Variants in ANKLE1 observed in about 807,000 individuals in gnomAD.
The protein encoded by ANKLE1 is structure-specific endonuclease ANKLE1.
ANKLE1 carries 59 observed loss-of-function variants against 56.2 expected under a neutral mutation model. That is an observed-to-expected ratio of 1.05 (90% confidence interval 0.85 to 1.30). The LOEUF (loss-of-function observed/expected upper bound fraction) is 1.30. Ranked by LOEUF, ANKLE1 falls within the 50% of genes most tolerant of loss-of-function variation. The probability of loss-of-function intolerance (pLI) is 0.00; values close to 1 mark genes in which losing one functional copy is unlikely to be tolerated. For synonymous variants in ANKLE1, 341 were observed against 352.9 expected, an observed-to-expected ratio of 0.97 and a Z score of 0.38; for missense variants, 771 against 816.1, an observed-to-expected ratio of 0.94 and a Z score of 0.67.
chr19:17,282,507 A>C, intron 2 of ANKLE1, 149 bp from the exon 3 acceptor site: 1 of 929,908 alleles, frequency 1.1e-6, no homozygotes, highest in Non-Finnish European at 1.7e-6. Flanking sequence ...GCCTGAGGTC[A>C]TAGCATCTAG....
At position 17,286,523 on chromosome 19, in the gene ANKLE1, C is replaced by T. The variant is rs1035519611; in HGVS notation, c.1819C>T (p.His607Tyr). 2.5e-6 allele frequency: 4 copies of T among 1,610,402 alleles called. No individual in the cohort carries two copies. Among genetic ancestry groups the T allele is most frequent in the Non-Finnish European group, 3.4e-6 (4 of 1,178,844 alleles). The change falls in exon 9 of 9, where the codon CAT (histidine) becomes TAT (tyrosine). Residue 607 changes from histidine to tyrosine, a missense_variant. His to Tyr is a moderately conservative substitution (Grantham distance 83). Transcript: ENST00000404085. ...CCTGGCTGAAGGCGAGCGACAGCTTCATCCCCAGGACATCCAGGCCCGGGG... is the reference window on the plus strand; with the variant it reads ...CCTGGCTGAAGGCGAGCGACAGCTTTATCCCCAGGACATCCAGGCCCGGGG... Reference protein sequence around the residue: ...VFLAEGERQLHPQDIQARG With the variant: ...VFLAEGERQLYPQDIQARG
intron 8 of ANKLE1, 63 bp from the exon 9 acceptor site, chr19:17,286,317 C>A (rs2074029650): frequency 1.3e-6 from 2 of 1,509,780 alleles, no homozygotes; most frequent in Admixed American, 2.2e-5. Context: ...CTGTCACACA[C>A]TTCTGCTGGA....
Position 17,282,751 on chromosome 19 carries a change from T to A in ANKLE1, c.311T>A (p.Leu104Gln). Reference sequence around the variant, plus strand: ...CTGAGCCAAGGAGCGGACCCGGCGCTGCGCGACCAGGTTGGGAGGCACTGC... The same window carrying A: ...CTGAGCCAAGGAGCGGACCCGGCGCAGCGCGACCAGGTTGGGAGGCACTGC... Reference protein sequence around the residue: ...LLLSQGADPALRDQDGLRPLD... With the variant: ...LLLSQGADPAQRDQDGLRPLD... Residue 104 changes from leucine (L) to glutamine (Q), a missense_variant, in exon 3 of 9, where the codon CTG becomes CAG. Leu to Gln is a moderately radical substitution (Grantham distance 113, BLOSUM62 -2). Coordinates refer to ENST00000404085, the MANE Select transcript of ANKLE1 (RefSeq NM_152363.6). 5 of 1,546,216 alleles carry A rather than the reference T, an allele frequency of 3.2e-6. No individual in the cohort carries two copies. The highest frequency in any genetic ancestry group is 4.3e-6 in the Non-Finnish European group (5 of 1,152,716).
rs2074025963 is a variant in ANKLE1, at chr19:17,285,833, A to G, written c.1675+14A>G. ...TGGAAGCCCTAGGTGGGTGCCTGGTACCTAGAATGGGGGTCATATGAAAGG... is the reference window on the plus strand; with the variant it reads ...TGGAAGCCCTAGGTGGGTGCCTGGTGCCTAGAATGGGGGTCATATGAAAGG... On this transcript the variant is annotated intron_variant, in intron 8 of 8. Coordinates refer to ENST00000404085, the MANE Select transcript of ANKLE1 (RefSeq NM_152363.6). The G allele has an allele frequency of 6.2e-7, 1 of 1,612,630 alleles. No individual in the cohort carries two copies. Among genetic ancestry groups the G allele is most frequent in the Non-Finnish European group, 8.5e-7 (1 of 1,179,710 alleles).
At chr19:17,284,747 G>A (rs919640731) in intron 6 of ANKLE1, among the ~76,000 whole-genome samples, 4 of 137,010 alleles carry the variant, frequency 2.9e-5, no homozygotes, top group Admixed American at 7.7e-5. Flanking sequence ...ATGTAGTAGC[G>A]CAATCTTGGC....
At chr19:17,282,545 C>G in intron 2 of ANKLE1, 111 bp from the exon 3 acceptor site, 2 of 1,133,568 alleles carry the variant, frequency 1.8e-6, no homozygotes, top group Non-Finnish European at 2.6e-6. Context: ...CCAGGGTGGA[C>G]GGCGGAGATC....
Position 17,282,185 on chromosome 19 carries a change from G to C in ANKLE1, c.191G>C (p.Arg64Pro). Residue 64 changes from arginine to proline, a missense_variant, in exon 2 of 9, where the codon CGC (arginine) becomes CCC (proline). Arg to Pro is a moderately radical substitution (Grantham distance 103). Coordinates refer to ENST00000404085, the MANE Select transcript of ANKLE1 (RefSeq NM_152363.6). Reference protein sequence around the residue: ...RGLRCLGALLRQGGDPNARSV... With the variant: ...RGLRCLGALLPQGGDPNARSV... ...CTGCGTTGCCTCGGGGCCCTACTGCGCCAAGGCGGGGACCCCAACGCTCGG... is the reference window on the plus strand; with the variant it reads ...CTGCGTTGCCTCGGGGCCCTACTGCCCCAAGGCGGGGACCCCAACGCTCGG... 6.6e-7 allele frequency: 1 copy of C among 1,522,828 alleles called. No individual in the cohort carries two copies. 94.3% of individuals were successfully genotyped at this position (1,522,828 alleles called of 1,614,324 possible).
chr19:17,282,585 C>T, intron 2 of ANKLE1, 71 bp from the exon 3 acceptor site: 1 of 1,421,592 alleles, frequency 7.0e-7, no homozygotes, highest in Non-Finnish European at 9.6e-7. Flanking sequence ...GCTCCAGGTC[C>T]CCAGAGCGGA....
chr19:17,282,097 T>C lies in ANKLE1; in HGVS notation c.103T>C (p.Leu35=). 6.5e-7 allele frequency: 1 copy of C among 1,541,292 alleles called. No individual in the cohort carries two copies. The highest frequency in any genetic ancestry group is 8.7e-7 in the Non-Finnish European group (1 of 1,146,612). Residue 35 remains leucine, a synonymous_variant, in exon 2 of 9, where the codon TTG becomes CTG. Transcript: ENST00000404085. ...ELLRCGADPN[L]VLEDGAAAVH... ...GCTGCGCTGCGGCGCGGACCCTAAT[T>C]TGGTGCTAGAGGACGGCGCAGCGGC...
At position 17,286,637 on chromosome 19, in the gene ANKLE1, T is replaced by C. The variant is rs749126620; in HGVS notation, c.*85T>C. ...TGCTGACAGCAGCCCCCATCTCTGG[T>C]TTCAGAAGGGGTGTGTGTGTGTGTG... On this transcript the variant is annotated 3_prime_UTR_variant, in exon 9 of 9. Coordinates refer to ENST00000404085, the MANE Select transcript of ANKLE1 (RefSeq NM_152363.6). 128 of 1,538,426 alleles carry C rather than the reference T, an allele frequency of 8.3e-5. 3 individuals are homozygous for C. The South Asian group carries it at 1.4e-3, about 17-fold the overall frequency.
chr19:17,282,557 G>T, intron 2 of ANKLE1, 99 bp from the exon 3 acceptor site: 1 of 1,240,594 alleles, frequency 8.1e-7, no homozygotes, highest in Non-Finnish European at 1.1e-6. Flanking sequence ...GCGGAGATCC[G>T]GGAGGCCGAG....
intron 1 of ANKLE1, 31 bp downstream of exon 1, chr19:17,282,013 T>TG (rs530622139): frequency 7.6e-5 from 116 of 1,534,020 alleles, no homozygotes; most frequent in East Asian, 3.2e-4. Context: ...GGGCCAGGAG[T>TG]GGGGGTCTTT....
At chr19:17,285,873 G>T in intron 8 of ANKLE1, 54 bp downstream of exon 8, 1 of 1,600,432 alleles carries the variant, frequency 6.2e-7, no homozygotes, top group South Asian at 1.1e-5. Flanking sequence ...TGGCTTCCCA[G>T]TTCCCTCATT....
Position 17,284,684 on chromosome 19 carries a change from C to CTTT in ANKLE1, c.1376+435_1376+437dup, listed in dbSNP as rs67967763. On this transcript the variant is annotated intron_variant, in intron 6 of 8. Transcript: ENST00000404085. ...CAGGTGTGAGCCACCGCACCGGCCT[C>CTTT]TTTTTTTTTTTTTTTTTTTGAGGCG... is the stretch of plus-strand genomic sequence containing the variant. Among the ~76,000 whole-genome samples the CTTT allele has an allele frequency of 6.7e-3, 619 of 91,914 alleles. 37 individuals carry two copies. The highest frequency in any genetic ancestry group is 9.7e-3 in the African/African-American group (225 of 23,128). The allele number at this position is 91,914 out of a possible 152,430, so 60.3% of individuals were successfully genotyped here.
In ANKLE1 at chr19:17,285,697, C is replaced by T; in HGVS notation, c.1553C>T (p.Pro518Leu). ...RSRKQPHQAC[P>L]KVRQILDIWA... ...CTGCCCTAGCCCCACCAGGCCTGCC[C>T]CAAGGTGCGTCAGATCTTGGACATC... is the stretch of plus-strand genomic sequence containing the variant. The change falls in exon 8 of 9, where the codon CCC becomes CTC. Residue 518 changes from proline (P) to leucine (L), a missense_variant. Pro to Leu is a moderately conservative substitution (Grantham distance 98). Transcript: ENST00000404085. 2.5e-6 allele frequency: 4 copies of T among 1,613,960 alleles called. No individual in the cohort carries two copies. Among genetic ancestry groups the T allele is most frequent in the Non-Finnish European group, 3.4e-6 (4 of 1,179,898 alleles).
rs1568343651 is a variant in ANKLE1 at position 17,286,660 on chromosome 19, G to GTGTGTGTGTT, written c.*117_*118insTTGTGTGTGT. ...GGTTTCAGAAGGGGTGTGTGTGTGT[G>GTGTGTGTGTT]TGTGTGTGTGTGTGTGTGTGTGTGT... is the stretch of plus-strand genomic sequence containing the variant. On this transcript the variant is annotated 3_prime_UTR_variant, in exon 9 of 9. Coordinates refer to ENST00000404085, the MANE Select transcript of ANKLE1 (RefSeq NM_152363.6). 6.8e-5 allele frequency: 47 copies of GTGTGTGTGTT among 690,214 alleles called. No homozygotes were observed. In the African/African-American group the frequency reaches 9.7e-4, roughly 14 times the overall value. The allele number at this position is 690,214 out of a possible 1,614,324, so 42.8% of individuals were successfully genotyped here.
At chr19:17,283,127 G>T in intron 4 of ANKLE1, 98 bp from the exon 5 acceptor site, 1 of 1,545,740 alleles carries the variant, frequency 6.5e-7, no homozygotes, top group Non-Finnish European at 8.7e-7. Context: ...CAGCTCTTTC[G>T]GCCTCAGACA....
chr19:17,282,399 G>C, intron 2 of ANKLE1, 190 bp downstream of exon 2: 5 of 966,766 alleles, frequency 5.2e-6, no homozygotes, highest in Non-Finnish European at 7.5e-6. Flanking sequence ...CCCAGACCGA[G>C]GGCGTGGAAT....
rs772238259 is a variant in ANKLE1 at position 17,284,093 on chromosome 19, A to C, written c.1203A>C (p.Pro401=). 5.0e-6 allele frequency: 8 copies of C among 1,613,552 alleles called. No individual in the cohort carries two copies. In the East Asian group the frequency reaches 1.3e-4, roughly 27 times the overall value. The part of the protein sequence containing the change: ...QLEEAQIAPG[P]EFSGHSLELA... Reference sequence around the variant, plus strand: ...TCCATCTCCCTTGACTTCCAGGCCCAGAGTTTTCAGGGCACAGCCTAGAAC... The same window carrying C: ...TCCATCTCCCTTGACTTCCAGGCCCCGAGTTTTCAGGGCACAGCCTAGAAC... The change falls in exon 6 of 9, where the codon CCA becomes CCC. Residue 401 remains proline (P), a synonymous_variant. Transcript: ENST00000404085.
Sources: allele counts gnomAD v4.1 joint callset (sites outside exome capture counted in the v4.1 genomes callset), GRCh38; gene constraint gnomAD v4.1.1; transcripts MANE v1.5; gene names NCBI Gene and HGNC (gene_info 2026-07-23, HGNC 2026-07-21).